GPBP1: variants seen among roughly 807,000 people sequenced by gnomAD.
GPBP1 encodes vasculin.
Under a neutral mutation model 56.5 loss-of-function variants are expected in GPBP1, and 13 were observed. The ratio of observed to expected loss-of-function variants is 0.23; its 90% CI spans 0.15 to 0.37. GPBP1 has a LOEUF of 0.37. Ranked by LOEUF, GPBP1 falls within the 10% of genes least tolerant of loss-of-function variation. GPBP1 has a pLI of 1.00. For synonymous variants in GPBP1, 204 were observed against 188.9 expected, an observed-to-expected ratio of 1.08 and a Z score of -0.66; for missense variants, 477 against 572.3, an observed-to-expected ratio of 0.83 and a Z score of 1.70.
rs78058786 is a variant in GPBP1, at chr5:57,181,605, G to C, written c.-58+5205G>C. ...CCTAGGGAACATTTAAAAAAAAGGT[G>C]GGGGGGCGGTGCGGGGGCAGGGAAT... is the stretch of plus-strand genomic sequence containing the variant. On this transcript the variant is annotated intron_variant, in intron 2 of 11. Transcript: ENST00000506184. Among the ~76,000 whole-genome samples, 67 of 150,558 alleles carry C rather than the reference G, an allele frequency of 4.5e-4. 1 individual carries two copies. The East Asian group carries it at 0.012, about 27-fold the overall frequency.
At chr5:57,252,986 G>C (rs945111863) in intron 10 of GPBP1, among the ~76,000 whole-genome samples, 1 of 152,194 alleles carries the variant, frequency 6.6e-6, no homozygotes, top group Non-Finnish European at 1.5e-5. Context: ...TAGGATTACA[G>C]GTGTGAGCCA....
At chr5:57,213,051 CT>C (rs555083938) in intron 2 of GPBP1, among the ~76,000 whole-genome samples, 2 of 149,286 alleles carry the variant, frequency 1.3e-5, no homozygotes, top group Admixed American at 6.7e-5. Context: ...GAGTATATGT[CT>C]TTTTTTTTAT....
intron 3 of GPBP1, among the ~76,000 whole-genome samples, chr5:57,228,453 T>TC (rs1756292015): frequency 7.4e-6 from 1 of 134,594 alleles, no homozygotes; most frequent in South Asian, 2.3e-4. Context: ...AGACTCTGTC[T>TC]CAAAAAAAAA....
At chr5:57,254,416 T>C (rs1741545324) in intron 10 of GPBP1, among the ~76,000 whole-genome samples, 1 of 152,176 alleles carries the variant, frequency 6.6e-6, no homozygotes. Context: ...TTTTGTAGGC[T>C]GGGCGTTGTG....
rs563514884 is a variant in GPBP1 at position 57,261,272 on chromosome 5, T to C, written c.1253T>C (p.Ile418Thr). The change falls in exon 11 of 12, where the codon ATT (isoleucine) becomes ACT (threonine). Residue 418 changes from isoleucine (I) to threonine (T), a missense_variant. Physicochemically the swap from Ile to Thr is moderately conservative, Grantham distance 89. This residue lies in a region of GPBP1 where 63 missense variants were observed against 114.0 expected (regional missense o/e 0.55). Coordinates refer to ENST00000506184, the MANE Select transcript of GPBP1 (RefSeq NM_022913.4). ...TEDEMREFQV[I>T]SEQLQKNGLR... is the part of the protein sequence containing the mutation. The stretch of plus-strand genomic sequence containing the variant: ...GATGAAATGAGAGAATTCCAAGTTA[T>C]TAGTGAACAGGTAAGAAAACCTGAA... 2 of 1,593,852 alleles carry C rather than the reference T, an allele frequency of 1.3e-6. No individual in the cohort carries two copies. Among genetic ancestry groups the C allele is most frequent in the South Asian group, 1.1e-5 (1 of 90,670 alleles).
At chr5:57,234,024 A>T (rs1217386989) in intron 5 of GPBP1, among the ~76,000 whole-genome samples, 1 of 152,178 alleles carries the variant, frequency 6.6e-6, no homozygotes, top group Admixed American at 6.5e-5. Context: ...ATAATTTCTA[A>T]TAGTATACTT....
chr5:57,179,293 T>C lies in GPBP1; in HGVS notation c.-58+2893T>C, dbSNP rs151331936. On this transcript the variant is annotated intron_variant, in intron 2 of 11. Coordinates refer to ENST00000506184, the MANE Select transcript of GPBP1 (RefSeq NM_022913.4). ...AGTTTGGAAATAAACTAAGAGATATTACTGTTTTGCTATTTGCAGTAACTA... is the reference window on the plus strand; with the variant it reads ...AGTTTGGAAATAAACTAAGAGATATCACTGTTTTGCTATTTGCAGTAACTA... 9.2e-3 allele frequency among the ~76,000 whole-genome samples: 1,397 copies of C among 152,370 alleles called. 18 individuals are homozygous for C. Among genetic ancestry groups the C allele is most frequent in the Middle Eastern group, 0.02 (6 of 294 alleles).
intron 3 of GPBP1, 154 bp from the exon 4 acceptor site, chr5:57,230,692 A>G (rs1167279262): frequency 1.4e-5 from 10 of 691,212 alleles, no homozygotes; most frequent in African/African-American, 1.3e-4. Context: ...AATCCATTAT[A>G]CAGTTACCCA....
intron 2 of GPBP1, among the ~76,000 whole-genome samples, chr5:57,182,313 A>C (rs1754085159): frequency 6.6e-6 from 1 of 151,840 alleles, no homozygotes; most frequent in Non-Finnish European, 1.5e-5. Context: ...TGAACTCCTG[A>C]CCTGAAGTGA....
In GPBP1 at chr5:57,214,102, T is replaced by C; in HGVS notation, c.-29T>C. ...CTTGCCATGAGGTGTTGAAGCCTTGTTTCACTGAGTTGGAGAGACTGGACC... is the reference window on the plus strand; with the variant it reads ...CTTGCCATGAGGTGTTGAAGCCTTGCTTCACTGAGTTGGAGAGACTGGACC... On this transcript the variant is annotated 5_prime_UTR_variant, in exon 3 of 12. Coordinates refer to ENST00000506184, the MANE Select transcript of GPBP1 (RefSeq NM_022913.4). 1 of 1,606,720 alleles carries C rather than the reference T, an allele frequency of 6.2e-7. No homozygotes were observed. The highest frequency in any genetic ancestry group is 2.2e-5 in the East Asian group (1 of 44,846).
intron 2 of GPBP1, among the ~76,000 whole-genome samples, chr5:57,208,174 T>C (rs1242794774): frequency 6.6e-6 from 1 of 152,172 alleles, no homozygotes; most frequent in African/African-American, 2.4e-5. Context: ...AGTAGGGTCT[T>C]ACTCTTTCTC....
intron 3 of GPBP1, among the ~76,000 whole-genome samples, chr5:57,216,809 A>G (rs1202911787): frequency 6.6e-6 from 1 of 152,162 alleles, no homozygotes; most frequent in African/African-American, 2.4e-5. Context: ...TCTTCTGATA[A>G]CCTGCTTTAC....
chr5:57,206,134 T>C (rs1755223798), intron 2 of GPBP1, among the ~76,000 whole-genome samples: 1 of 152,208 alleles, frequency 6.6e-6, no homozygotes, highest in Non-Finnish European at 1.5e-5. Flanking sequence ...ATATTCTGGA[T>C]ACTAGACCTT....
chr5:57,200,360 ATT>A lies in GPBP1; in HGVS notation c.-57-13690_-57-13689del, dbSNP rs70999063. On this transcript the variant is annotated intron_variant, in intron 2 of 11. Coordinates refer to ENST00000506184, the MANE Select transcript of GPBP1 (RefSeq NM_022913.4). ...TTGTGTCTTGAGTAAATAAGTTTGA[ATT>A]TTTTTTTTTTTTTTTTTTTTTTTGA... 9.4e-3 allele frequency among the ~76,000 whole-genome samples: 653 copies of A among 69,810 alleles called. 2 individuals are homozygous for A. The highest frequency in any genetic ancestry group is 0.028 in the African/African-American group (473 of 16,754). The allele number at this position is 69,810 out of a possible 152,430, so 45.8% of individuals were successfully genotyped here.
intron 2 of GPBP1, among the ~76,000 whole-genome samples, chr5:57,184,011 C>T (rs1286481471): frequency 2.6e-5 from 4 of 151,944 alleles, no homozygotes; most frequent in East Asian, 1.9e-4. Context: ...GCTGGTGGAT[C>T]GCTTGAACCC....
chr5:57,230,261 G>A (rs1308826036), intron 3 of GPBP1, among the ~76,000 whole-genome samples: 1 of 152,174 alleles, frequency 6.6e-6, no homozygotes, highest in Non-Finnish European at 1.5e-5. Context: ...AAAACTGTTG[G>A]AAGTTTTGAT....
chr5:57,200,131 C>T (rs1252311397), intron 2 of GPBP1, among the ~76,000 whole-genome samples: 2 of 142,970 alleles, frequency 1.4e-5, no homozygotes, highest in East Asian at 4.1e-4. Context: ...CCCGTCCCCG[C>T]CCCGCCCCTC....
chr5:57,251,502 T>C (rs1476988942), intron 10 of GPBP1, among the ~76,000 whole-genome samples: 2 of 152,174 alleles, frequency 1.3e-5, no homozygotes, highest in Admixed American at 6.5e-5. Flanking sequence ...TTCCTTTTTA[T>C]TGCTGAATAG....
At chr5:57,209,412 C>T (rs1191636003) in intron 2 of GPBP1, among the ~76,000 whole-genome samples, 1 of 152,206 alleles carries the variant, frequency 6.6e-6, no homozygotes, top group Non-Finnish European at 1.5e-5. Context: ...GCACTTCTCC[C>T]TTCCCAGGCT....
Sources: gnomAD v4.1 joint callset for allele counts (sites outside exome capture counted in the v4.1 genomes callset) on GRCh38, gnomAD v4.1.1 for gene constraint, gnomAD v4.1.1 regional missense constraint, MANE v1.5 for transcripts, NCBI Gene and HGNC (gene_info 2026-07-23, HGNC 2026-07-21) for gene names.